MRPS22: variants seen among roughly 807,000 people sequenced by gnomAD.
MRPS22 encodes the protein mitochondrial ribosomal protein S22.
In MRPS22, 30 loss-of-function variants were observed where a neutral mutation model predicts 44.0. The ratio of observed to expected loss-of-function variants is 0.68; its 90% CI spans 0.51 to 0.93. The LOEUF (loss-of-function observed/expected upper bound fraction) is 0.93. Ranked by LOEUF, MRPS22 falls within the 40% of genes least tolerant of loss-of-function variation. The pLI is 0.00. For synonymous variants in MRPS22, 165 were observed against 154.4 expected, an observed-to-expected ratio of 1.07 and a Z score of -0.51; for missense variants, 447 against 447.8, an observed-to-expected ratio of 1.00 and a Z score of 0.02.
At chr3:139,350,502 A>G (rs1254772247) in intron 4 of MRPS22, 180 bp downstream of exon 4, 9 of 621,906 alleles carry the variant, frequency 1.4e-5, no homozygotes, top group African/African-American at 1.1e-4. Context: ...ATCTCAGCTC[A>G]CTGCAACCTC....
At chr3:139,354,292 T>C (rs1048073110) in intron 6 of MRPS22, among the ~76,000 whole-genome samples, 1 of 152,192 alleles carries the variant, frequency 6.6e-6, no homozygotes, top group African/African-American at 2.4e-5. Flanking sequence ...ATTTATTTGC[T>C]CTTTAAGTAT....
At chr3:139,349,168 C>CT (rs1941101867) in intron 3 of MRPS22, 1 of 342,446 alleles carries the variant, frequency 2.9e-6, no homozygotes. Flanking sequence ...TTTTGTGATG[C>CT]TTTAATATAT....
At chr3:139,346,603 C>T (rs1941042095) in intron 1 of MRPS22, among the ~76,000 whole-genome samples, 1 of 152,194 alleles carries the variant, frequency 6.6e-6, no homozygotes, top group South Asian at 2.1e-4. Context: ...TAAGTGGCAG[C>T]AACCATTACA....
chr3:139,344,688 G>A, intron 1 of MRPS22: 1 of 701,232 alleles, frequency 1.4e-6, no homozygotes, highest in Non-Finnish European at 2.6e-6. Context: ...AAATGAGACT[G>A]AGCACAGATA....
chr3:139,347,112 C>T, intron 2 of MRPS22, 68 bp downstream of exon 2: 1 of 1,523,126 alleles, frequency 6.6e-7, no homozygotes, highest in Non-Finnish European at 9.1e-7. Flanking sequence ...TCTAGAGGCC[C>T]CTCCAGATGC....
At chr3:139,348,442 G>C in intron 3 of MRPS22, 118 bp downstream of exon 3, 1 of 985,566 alleles carries the variant, frequency 1.0e-6, no homozygotes, top group Non-Finnish European at 1.6e-6. Flanking sequence ...CCTCTGACTG[G>C]GTGAGACCCT....
chr3:139,344,528 T>A, intron 1 of MRPS22: 1 of 609,074 alleles, frequency 1.6e-6, no homozygotes, highest in Non-Finnish European at 2.9e-6. Flanking sequence ...CGGGTTGTTA[T>A]AGGGGACGCA....
intron 2 of MRPS22, 105 bp from the exon 3 acceptor site, chr3:139,348,055 T>C (rs1473295086): frequency 2.5e-6 from 3 of 1,207,554 alleles, no homozygotes; most frequent in Non-Finnish European, 3.5e-6. Context: ...TACACCTTCT[T>C]TTCTATGCAG....
At chr3:139,353,831 G>A (rs891044134) in intron 6 of MRPS22, among the ~76,000 whole-genome samples, 1 of 152,084 alleles carries the variant, frequency 6.6e-6, no homozygotes, top group Non-Finnish European at 1.5e-5. Flanking sequence ...CTTTATGTAC[G>A]TTATCTCCTG....
intron 1 of MRPS22, chr3:139,344,503 C>T: frequency 1.6e-6 from 1 of 610,436 alleles, no homozygotes; most frequent in Non-Finnish European, 2.9e-6. Context: ...GGGGAATTGG[C>T]AGTGCAGTGT....
rs368290834 is a variant in MRPS22 at position 139,350,137 on chromosome 3, C to A, written c.505-42C>A. The A allele has an allele frequency of 9.3e-6, 15 of 1,612,148 alleles. No homozygotes were observed. In the East Asian group the frequency reaches 3.3e-4, roughly 36 times the overall value. On this transcript the variant is annotated intron_variant, in intron 3 of 7. Coordinates refer to ENST00000680020, the MANE Select transcript of MRPS22 (RefSeq NM_020191.4). ...TAGTGGGACACAGGAACTAAAAATA[C>A]GTCCTCACAAACGCATCCTTGATTA...
chr3:139,352,835 C>G (rs758551354), intron 6 of MRPS22, 43 bp downstream of exon 6: 3 of 1,588,588 alleles, frequency 1.9e-6, no homozygotes, highest in East Asian at 2.2e-5. Context: ...TCTTATTGCT[C>G]TAACAGTTCA....
chr3:139,356,957 A>G lies in MRPS22; in HGVS notation c.1026A>G (p.Ile342Met). Residue 342 changes from isoleucine to methionine, a missense_variant, in exon 8 of 8, where the codon ATA becomes ATG. Coordinates refer to ENST00000680020, the MANE Select transcript of MRPS22 (RefSeq NM_020191.4). The part of the protein sequence containing the change: ...AKTEAQKGAY[I>M]ELTLQTYQEA... ...CAGAAGCACAGAAGGGAGCCTATAT[A>G]GAACTAACACTGCAGACTTATCAAG... The G allele has an allele frequency of 1.9e-6, 3 of 1,613,334 alleles. No individual in the cohort carries two copies. The highest frequency in any genetic ancestry group is 2.5e-6 in the Non-Finnish European group (3 of 1,179,654).
intron 5 of MRPS22, 31 bp from the exon 6 acceptor site, chr3:139,352,616 G>A (rs1941171909): frequency 6.2e-7 from 1 of 1,602,634 alleles, no homozygotes; most frequent in Non-Finnish European, 8.5e-7. Flanking sequence ...TTATTTTCAT[G>A]TTTCTGAAGA....
At chr3:139,345,857 A>AT (rs1941031138) in intron 1 of MRPS22, among the ~76,000 whole-genome samples, 1 of 152,164 alleles carries the variant, frequency 6.6e-6, no homozygotes, top group Admixed American at 6.5e-5. Context: ...GGAGATTCAG[A>AT]TTTTAGAGTT....
chr3:139,356,369 A>ATAAT (rs1404743204), intron 7 of MRPS22, among the ~76,000 whole-genome samples: 1 of 152,242 alleles, frequency 6.6e-6, no homozygotes, highest in Non-Finnish European at 1.5e-5. Context: ...AGGAGATTGT[A>ATAAT]TAATTAATTT....
At chr3:139,350,137 C>G (rs368290834) in intron 3 of MRPS22, 42 bp from the exon 4 acceptor site, 1 of 1,612,028 alleles carries the variant, frequency 6.2e-7, no homozygotes, top group Non-Finnish European at 8.5e-7. Context: ...ACTAAAAATA[C>G]GTCCTCACAA....
chr3:139,356,773 A>G, intron 7 of MRPS22, 146 bp from the exon 8 acceptor site: 1 of 635,774 alleles, frequency 1.6e-6, no homozygotes, highest in Non-Finnish European at 2.8e-6. Flanking sequence ...TTATTGTATA[A>G]TCGGGGGAAA....
rs1941122339 is a variant in MRPS22 at position 139,350,342 on chromosome 3, A to G, written c.648+20A>G. 6.2e-7 allele frequency: 1 copy of G among 1,612,852 alleles called. No individual in the cohort carries two copies. The highest frequency in any genetic ancestry group is 8.5e-7 in the Non-Finnish European group (1 of 1,179,590). ...CTTAGGGTAAGGTGACTTAGGTTTT[A>G]TGTTTTAGAGCCAGTGGTGATGATT... On this transcript the variant is annotated intron_variant, in intron 4 of 7. Transcript: ENST00000680020.
Sources: allele counts gnomAD v4.1 joint callset (sites outside exome capture counted in the v4.1 genomes callset), GRCh38; gene constraint gnomAD v4.1.1; transcripts MANE v1.5; gene names NCBI Gene and HGNC (gene_info 2026-07-23, HGNC 2026-07-21).